ARHGAP29: variants seen among roughly 807,000 people sequenced by gnomAD.
The protein encoded by ARHGAP29 is rho GTPase-activating protein 29.
ARHGAP29 carries 43 observed loss-of-function variants against 122.6 expected under a neutral mutation model. The ratio of observed to expected loss-of-function variants is 0.35; its 90% confidence interval spans 0.27 to 0.45. ARHGAP29 has a LOEUF of 0.45. ARHGAP29 is among the 20% of genes least tolerant of loss of function. The pLI is 1.00. For synonymous variants in ARHGAP29, 506 were observed against 497.1 expected (o/e 1.02, Z -0.24); for missense variants, 1,303 against 1,477.2 (o/e 0.88, Z 1.93).
chr1:94,179,367 G>T (rs1356412692), intron 20 of ARHGAP29, among the ~76,000 whole-genome samples: 1 of 152,006 alleles, frequency 6.6e-6, no homozygotes, highest in African/African-American at 2.4e-5. Context: ...AGGCTGAGGT[G>T]GGCGGATCAT....
rs189007545 is a variant in ARHGAP29 at position 94,231,309 on chromosome 1, T to C, written c.205+98A>G. 69 of 931,740 alleles carry C rather than the reference T, an allele frequency of 7.4e-5. No homozygotes were observed. The East Asian group carries it at 1.7e-3, about 23-fold the overall frequency. The allele number at this position is 931,740 out of a possible 1,614,324, so 57.7% of individuals were successfully genotyped here. A position where few individuals can be genotyped will look rare whatever the true frequency, so the allele number is the denominator to read the frequency against. ...AAGCACTAAAATAACTAAAGCAGAA[T>C]ACCCTGTTCCTACCACTGTGTACAA... is the stretch of plus-strand genomic sequence containing the variant. On this transcript the variant is annotated intron_variant, in intron 2 of 22. Coordinates refer to ENST00000260526, the MANE Select transcript of ARHGAP29 (RefSeq NM_004815.4).
chr1:94,312,116 T>G, the ARHGAP29 span, among the ~76,000 whole-genome samples: 1 of 152,202 alleles, frequency 6.6e-6, no homozygotes, highest in South Asian at 2.1e-4. Flanking sequence ...TGTGGCAAAA[T>G]TCCTTGAAAA....
At chr1:94,241,509 C>T (rs149377773), upstream of ARHGAP29, among the ~76,000 whole-genome samples, 1,604 of 151,502 alleles carry the variant, frequency 0.011, 29 homozygotes, top group African/African-American at 0.036. Flanking sequence ...CCCAGCTACT[C>T]GGGAGGCTAA....
intron 20 of ARHGAP29, among the ~76,000 whole-genome samples, chr1:94,178,654 G>C (rs935689517): frequency 1.3e-5 from 2 of 152,000 alleles, no homozygotes; most frequent in Non-Finnish European, 2.9e-5. Context: ...TGTAATAAAG[G>C]CCTCCTCTCC....
At position 94,173,635 on chromosome 1, in the gene ARHGAP29, C is replaced by T. The variant is rs183018490; in HGVS notation, c.*234G>A. 1,625 of 450,140 alleles carry T rather than the reference C, an allele frequency of 3.6e-3. 4 individuals are homozygous for T. The highest frequency in any genetic ancestry group is 4.7e-3 in the Non-Finnish European group (1,234 of 260,864). The allele number at this position is 450,140 out of a possible 1,614,324, so 27.9% of individuals were successfully genotyped here. On this transcript the variant is annotated 3_prime_UTR_variant, in exon 23 of 23. Coordinates refer to ENST00000260526, the MANE Select transcript of ARHGAP29 (RefSeq NM_004815.4). ...AATACGAATCCACCTATCTTATTCA[C>T]AACTTTAAAAATACAGAATTTAAAG...
upstream of ARHGAP29, among the ~76,000 whole-genome samples, chr1:94,278,948 T>G (rs1655270036): frequency 6.6e-6 from 1 of 152,220 alleles, no homozygotes; most frequent in Admixed American, 6.5e-5. Context: ...GTGATTTCAG[T>G]GATCATTAGG....
At chr1:94,301,609 CA>C in the ARHGAP29 span, among the ~76,000 whole-genome samples, 4 of 152,182 alleles carry the variant, frequency 2.6e-5, no homozygotes, top group South Asian at 6.2e-4. Context: ...GTATGGTGGC[CA>C]GGGGGGATGA....
rs1654059353 is a variant in ARHGAP29, at chr1:94,250,967, T to C, written c.-32-19324A>G. Among the ~76,000 whole-genome samples the C allele has an allele frequency of 2.0e-5, 3 of 152,114 alleles. 1 individual carries two copies. The South Asian group carries it at 6.2e-4, about 32-fold the overall frequency. On this transcript the variant is annotated intron_variant and NMD_transcript_variant, in intron 1 of 25. Transcript: ENST00000552844. ...TAATGATCAGTGCCAAAAATAATAT[T>C]AGCCTTAAAAATGCAATTATTGATA...
chr1:94,278,838 C>A (rs1246954963), upstream of ARHGAP29, among the ~76,000 whole-genome samples: 2 of 152,190 alleles, frequency 1.3e-5, no homozygotes, highest in Non-Finnish European at 2.9e-5. Flanking sequence ...ATCAACCCAA[C>A]TGTCAATAAA....
intron 1 of ARHGAP29, among the ~76,000 whole-genome samples, chr1:94,234,541 C>T (rs956791232): frequency 5.9e-5 from 9 of 152,102 alleles, no homozygotes; most frequent in African/African-American, 1.7e-4. Flanking sequence ...ATTCACTGTC[C>T]TTTTGTCAAT....
chr1:94,283,946 G>A, the ARHGAP29 span, among the ~76,000 whole-genome samples: 1 of 152,078 alleles, frequency 6.6e-6, no homozygotes, highest in Non-Finnish European at 1.5e-5. Context: ...GTGAAAAATG[G>A]TCTTGTACTC....
intron 1 of ARHGAP29, among the ~76,000 whole-genome samples, chr1:94,245,175 G>A (rs994972068): frequency 6.6e-6 from 1 of 152,172 alleles, no homozygotes; most frequent in Non-Finnish European, 1.5e-5. Flanking sequence ...TTGTGAAACA[G>A]CCTGGCAGTT....
At chr1:94,198,964 G>A (rs7548077) in intron 12 of ARHGAP29, among the ~76,000 whole-genome samples, 148,325 of 152,332 alleles carry the variant, frequency 0.97, 72,353 homozygotes, top group Middle Eastern at 1. Flanking sequence ...AAAAATAATC[G>A]AGACACTGGG....
chr1:94,196,747 A>C (rs1273617703), intron 12 of ARHGAP29, among the ~76,000 whole-genome samples: 1 of 152,200 alleles, frequency 6.6e-6, no homozygotes, highest in African/African-American at 2.4e-5. Flanking sequence ...GAAAATCCTC[A>C]AATACTTGGA....
At chr1:94,204,419 C>T (rs532985395) in intron 7 of ARHGAP29, among the ~76,000 whole-genome samples, 1 of 152,296 alleles carries the variant, frequency 6.6e-6, no homozygotes, top group East Asian at 1.9e-4. Flanking sequence ...TGTACTGACC[C>T]TCTACAAGAC....
chr1:94,212,418 T>C (rs996632517), intron 3 of ARHGAP29, among the ~76,000 whole-genome samples: 20 of 152,216 alleles, frequency 1.3e-4, no homozygotes, highest in African/African-American at 4.8e-4. Context: ...TATTATACAA[T>C]CGTACCTCAA....
intron 12 of ARHGAP29, among the ~76,000 whole-genome samples, chr1:94,198,273 C>T (rs185323779): frequency 1.2e-4 from 19 of 152,112 alleles, no homozygotes; most frequent in Non-Finnish European, 1.9e-4. Flanking sequence ...CCCAGGAATT[C>T]AACACCAGGT....
intron 1 of ARHGAP29, among the ~76,000 whole-genome samples, chr1:94,272,827 T>C (rs1456597375): frequency 6.6e-6 from 1 of 152,194 alleles, no homozygotes; most frequent in Non-Finnish European, 1.5e-5. Flanking sequence ...CAGTAGATCT[T>C]ATGCGTGTCT....
Position 94,169,110 on chromosome 1 carries a change from T to C in ARHGAP29, c.*4759A>G, listed in dbSNP as rs115990982. Among the ~76,000 whole-genome samples the C allele has an allele frequency of 0.016, 2,366 of 152,352 alleles. 27 individuals are homozygous for C. Among genetic ancestry groups the C allele is most frequent in the Non-Finnish European group, 0.023 (1,565 of 68,024 alleles). On this transcript the variant is annotated 3_prime_UTR_variant, in exon 23 of 23. Transcript: ENST00000260526. Reference sequence around the variant, plus strand: ...CTATAAATTTCATAAATGTCTATGTTTAAACATTCCTGGTAAATATGTATA... The same window carrying C: ...CTATAAATTTCATAAATGTCTATGTCTAAACATTCCTGGTAAATATGTATA...
Sources: allele counts gnomAD v4.1 joint callset (sites outside exome capture counted in the v4.1 genomes callset), GRCh38; gene constraint gnomAD v4.1.1; transcripts MANE v1.5; gene names NCBI Gene and HGNC (gene_info 2026-07-23, HGNC 2026-07-21).